FRMD5: variants seen among roughly 807,000 people sequenced by gnomAD.
FRMD5 encodes the protein FERM domain-containing protein 5.
A neutral mutation model predicts 69.0 loss-of-function variants in FRMD5; 20 were observed. The ratio of observed to expected loss-of-function variants is 0.29; its 90% CI spans 0.20 to 0.42. The LOEUF (loss-of-function observed/expected upper bound fraction) is 0.42, where lower values mean the gene tolerates loss of function less well. FRMD5 is among the 10% of genes least tolerant of loss of function. FRMD5 has a pLI of 1.00. For missense variants in FRMD5, 595 were observed against 708.6 expected, an observed-to-expected ratio of 0.84 and a Z score of 1.82; for synonymous variants, 271 against 260.1, an observed-to-expected ratio of 1.04 and a Z score of -0.40.
At chr15:44,155,662 C>G (rs966917796) in intron 1 of FRMD5, among the ~76,000 whole-genome samples, 2 of 151,790 alleles carry the variant, frequency 1.3e-5, no homozygotes, top group African/African-American at 4.8e-5. Flanking sequence ...GGCACCATCT[C>G]GGCTCACTGC....
At position 43,872,862 on chromosome 15, in the gene FRMD5, A is replaced by ATAAC; in HGVS notation, c.*1022_*1023insGTTA. The ATAAC allele has an allele frequency of 3.3e-6, 1 of 302,348 alleles. No homozygotes were observed. The highest frequency in any genetic ancestry group is 6.0e-6 in the Non-Finnish European group (1 of 165,692). The allele number at this position is 302,348 out of a possible 1,614,324, so 18.7% of individuals were successfully genotyped here. ...AAAACAAAATATGAATTGTTAAGAAAATAACATTTCGTTGTTAAAATATAA... is the reference window on the plus strand; with the variant it reads ...AAAACAAAATATGAATTGTTAAGAAATAACATAACATTTCGTTGTTAAAATATAA... On this transcript the variant is annotated 3_prime_UTR_variant, in exon 14 of 14. Transcript: ENST00000417257.
chr15:44,145,521 A>G (rs999492585), intron 1 of FRMD5, among the ~76,000 whole-genome samples: 3 of 152,230 alleles, frequency 2.0e-5, no homozygotes, highest in Admixed American at 2.0e-4. Flanking sequence ...TTTGACAGGA[A>G]AAATTAAATG....
At chr15:44,100,052 T>C (rs1463048150) in intron 1 of FRMD5, among the ~76,000 whole-genome samples, 4 of 149,886 alleles carry the variant, frequency 2.7e-5, no homozygotes, top group African/African-American at 9.8e-5. Flanking sequence ...CTTCTCTTTT[T>C]TTTTTTTTTT....
chr15:43,984,159 G>T (rs1889270386), intron 1 of FRMD5, among the ~76,000 whole-genome samples: 1 of 152,106 alleles, frequency 6.6e-6, no homozygotes, highest in South Asian at 2.1e-4. Context: ...ATATCAAAGG[G>T]ATGATGCTCT....
chr15:43,874,472 C>G lies in FRMD5; in HGVS notation c.1136-10G>C. The stretch of plus-strand genomic sequence containing the variant: ...CGTAAGGACTCTAGGCCTAGAAAGG[C>G]AAAAGGAACATGAGTAGGCTGTGTC... On this transcript the variant is annotated splice_polypyrimidine_tract_variant and intron_variant, in intron 13 of 13. Coordinates refer to ENST00000417257, the MANE Select transcript of FRMD5 (RefSeq NM_032892.5). The G allele has an allele frequency of 6.2e-7, 1 of 1,607,552 alleles. No homozygotes were observed. Among genetic ancestry groups the G allele is most frequent in the Non-Finnish European group, 8.5e-7 (1 of 1,174,126 alleles).
chr15:43,990,596 T>C (rs548074815), intron 1 of FRMD5, among the ~76,000 whole-genome samples: 1 of 152,226 alleles, frequency 6.6e-6, no homozygotes, highest in Non-Finnish European at 1.5e-5. Context: ...GGTCTCACAT[T>C]AGTGTGCAAA....
At chr15:44,049,118 T>G (rs938032725) in intron 1 of FRMD5, among the ~76,000 whole-genome samples, 9 of 152,188 alleles carry the variant, frequency 5.9e-5, no homozygotes, top group Non-Finnish European at 1.3e-4. Context: ...ATGAGGGAGA[T>G]AGCCCATGCA....
chr15:43,921,359 G>A (rs1188240414), intron 2 of FRMD5, among the ~76,000 whole-genome samples: 1 of 152,244 alleles, frequency 6.6e-6, no homozygotes, highest in Non-Finnish European at 1.5e-5. Flanking sequence ...ATGACTGTGA[G>A]ATGCATTATC....
At chr15:44,133,901 C>T (rs1459993057) in intron 1 of FRMD5, among the ~76,000 whole-genome samples, 1 of 151,820 alleles carries the variant, frequency 6.6e-6, no homozygotes, top group Non-Finnish European at 1.5e-5. Flanking sequence ...CAGATATAAG[C>T]CAATGTCCAG....
At chr15:44,037,496 T>A (rs1412570197) in intron 1 of FRMD5, among the ~76,000 whole-genome samples, 1 of 147,228 alleles carries the variant, frequency 6.8e-6, no homozygotes, top group African/African-American at 2.5e-5. Context: ...TGATATGGAG[T>A]CTTGCTCTGT....
intron 1 of FRMD5, among the ~76,000 whole-genome samples, chr15:44,139,446 A>G (rs1459122628): frequency 6.6e-6 from 1 of 152,048 alleles, no homozygotes; most frequent in Admixed American, 6.5e-5. Context: ...ATCCAACTAT[A>G]CACTGCTTAT....
chr15:43,878,248 T>C (rs112745036), intron 13 of FRMD5, among the ~76,000 whole-genome samples: 2 of 152,104 alleles, frequency 1.3e-5, no homozygotes, highest in African/African-American at 4.8e-5. Context: ...CATTTTGTTA[T>C]AATGTTGATG....
At chr15:43,903,015 G>A (rs2089084034) in intron 6 of FRMD5, among the ~76,000 whole-genome samples, 2 of 152,190 alleles carry the variant, frequency 1.3e-5, no homozygotes, top group South Asian at 4.1e-4. Context: ...ATAGGGTGAT[G>A]ACCAGGAAAA....
At chr15:43,963,041 C>A (rs1318970798) in intron 1 of FRMD5, among the ~76,000 whole-genome samples, 6 of 152,206 alleles carry the variant, frequency 3.9e-5, no homozygotes, top group Middle Eastern at 3.4e-3. Flanking sequence ...GCAACAAAAG[C>A]CAAAATTGAC....
chr15:43,965,032 T>C (rs1039849194), intron 1 of FRMD5, among the ~76,000 whole-genome samples: 1 of 152,176 alleles, frequency 6.6e-6, no homozygotes, highest in Non-Finnish European at 1.5e-5. Flanking sequence ...CAAAAAAGTA[T>C]ACTGAGGGAA....
chr15:44,047,505 A>T (rs1422158375), intron 1 of FRMD5, among the ~76,000 whole-genome samples: 3 of 152,210 alleles, frequency 2.0e-5, no homozygotes, highest in Non-Finnish European at 2.9e-5. Context: ...TTTCCCTACC[A>T]TAAAGATCAA....
At chr15:44,195,489 T>G (rs989903652), upstream of FRMD5, among the ~76,000 whole-genome samples, 1 of 152,226 alleles carries the variant, frequency 6.6e-6, no homozygotes, top group Non-Finnish European at 1.5e-5. Flanking sequence ...GAGGGGTTCC[T>G]CTCCGCCCCG....
At chr15:44,072,504 T>C (rs1229179792) in intron 1 of FRMD5, among the ~76,000 whole-genome samples, 2 of 152,224 alleles carry the variant, frequency 1.3e-5, no homozygotes, top group Non-Finnish European at 2.9e-5. Context: ...AAAAGATTAC[T>C]ATAAAAATTT....
intron 1 of FRMD5, among the ~76,000 whole-genome samples, chr15:44,055,678 C>T (rs1266479090): frequency 6.6e-6 from 1 of 152,158 alleles, no homozygotes; most frequent in Non-Finnish European, 1.5e-5. Flanking sequence ...CTTAAAGTAG[C>T]TGTGGTGCTC....
Sources: allele counts gnomAD v4.1 joint callset (sites outside exome capture counted in the v4.1 genomes callset), GRCh38; gene constraint gnomAD v4.1.1; transcripts MANE v1.5; gene names NCBI Gene and HGNC (gene_info 2026-07-23, HGNC 2026-07-21).